Variants in EEF1E1 observed in about 807,000 individuals in gnomAD.
EEF1E1 encodes the protein eukaryotic translation elongation factor 1 epsilon-1.
In EEF1E1, 19 loss-of-function variants were observed where a neutral mutation model predicts 19.9. The ratio of observed to expected loss-of-function variants is 0.95; its 90% CI spans 0.66 to 1.40. The LOEUF is 1.40. Ranked by LOEUF, EEF1E1 falls within the 40% of genes most tolerant of loss-of-function variation. The pLI is 0.00. For missense variants in EEF1E1, 198 were observed against 202.2 expected (o/e 0.98, Z 0.13); for synonymous variants, 81 against 80.0 (o/e 1.01, Z -0.07).
At chr6:8,074,652 CAGA>C (rs1462772234), downstream of EEF1E1, among the ~76,000 whole-genome samples, 2 of 152,174 alleles carry the variant, frequency 1.3e-5, no homozygotes, top group Non-Finnish European at 1.5e-5. Flanking sequence ...AAGTGCCTGA[CAGA>C]AATGACCCAA....
intron 2 of EEF1E1, chr6:8,095,346 CA>C: frequency 1.9e-5 from 8 of 422,464 alleles, no homozygotes; most frequent in Admixed American, 1.0e-4. Flanking sequence ...ACTAAAAACA[CA>C]AAAAAACGAG....
chr6:8,076,890 C>T (rs141757464), downstream of EEF1E1, among the ~76,000 whole-genome samples: 169 of 151,762 alleles, frequency 1.1e-3, no homozygotes, highest in African/African-American at 3.9e-3. Context: ...CTTTGTTGTT[C>T]CTTTTATAAA....
chr6:8,095,763 C>T (rs1412225471), intron 2 of EEF1E1, among the ~76,000 whole-genome samples: 2 of 152,078 alleles, frequency 1.3e-5, no homozygotes, highest in African/African-American at 4.8e-5. Context: ...ATATTTACTG[C>T]TTTTAAAATA....
chr6:8,089,687 A>C (rs1448764571), intron 3 of EEF1E1, among the ~76,000 whole-genome samples: 2 of 152,224 alleles, frequency 1.3e-5, no homozygotes, highest in African/African-American at 4.8e-5. Flanking sequence ...CCCAGGATTA[A>C]TACTTTGCGT....
chr6:8,083,826 A>G (rs944722127), intron 3 of EEF1E1, among the ~76,000 whole-genome samples: 1 of 152,224 alleles, frequency 6.6e-6, no homozygotes, highest in African/African-American at 2.4e-5. Flanking sequence ...GACCTGGTAA[A>G]TATCAGCAGG....
intron 2 of EEF1E1, among the ~76,000 whole-genome samples, chr6:8,093,741 AAATAGCTAATAAGC>A (rs770822800): frequency 1.2e-3 from 179 of 152,262 alleles, no homozygotes; most frequent in Non-Finnish European, 2.3e-3. Flanking sequence ...AAAAATAATA[AAATAGCTAATAAGC>A]AGTATGAAAA....
intron 3 of EEF1E1, among the ~76,000 whole-genome samples, chr6:8,080,495 G>A (rs570286549): frequency 5.3e-5 from 8 of 152,318 alleles, no homozygotes; most frequent in South Asian, 2.1e-4. Context: ...CTGAGTAAAT[G>A]CATGAGAACA....
rs115745392 is a variant in EEF1E1, at chr6:8,086,354, T to G, written c.384+3832A>C. Among the ~76,000 whole-genome samples the G allele has an allele frequency of 1.8e-3, 271 of 152,260 alleles. 3 individuals are homozygous for G. The highest frequency in any genetic ancestry group is 6.3e-3 in the African/African-American group (260 of 41,536). ...CTCTTCAACCTCAACTGAAAACCCA[T>G]ACTCAAGAGGCCTCAATCTGTGCCC... is the stretch of plus-strand genomic sequence containing the variant. On this transcript the variant is annotated intron_variant, in intron 3 of 3. Coordinates refer to ENST00000379715, the MANE Select transcript of EEF1E1 (RefSeq NM_004280.5).
At chr6:8,081,019 G>A (rs1757710769) in intron 3 of EEF1E1, among the ~76,000 whole-genome samples, 1 of 152,224 alleles carries the variant, frequency 6.6e-6, no homozygotes, top group East Asian at 1.9e-4. Flanking sequence ...CACCAAAGGT[G>A]AAGGATAAAT....
chr6:8,095,105 C>G (rs546505317), intron 2 of EEF1E1, among the ~76,000 whole-genome samples: 1 of 152,126 alleles, frequency 6.6e-6, no homozygotes, highest in Non-Finnish European at 1.5e-5. Flanking sequence ...GTTTAAGGGT[C>G]AACTATATAT....
chr6:8,090,228 T>C lies in EEF1E1; in HGVS notation c.342A>G (p.Thr114=), dbSNP rs1322902116. ...DKVYLTGYNF[T]LADILLYYGL... ...CATAGTACAATAGTATATCTGCTAA[T>C]GTAAAGTTATACCCTGTAAGGTAGA... Residue 114 remains threonine (T), a synonymous_variant, in exon 3 of 4, where the codon ACA becomes ACG. Transcript: ENST00000379715. The C allele has an allele frequency of 2.6e-6, 4 of 1,526,138 alleles. No homozygotes were observed. Among genetic ancestry groups the C allele is most frequent in the Admixed American group, 4.8e-5 (2 of 41,520 alleles). The allele number at this position is 1,526,138 out of a possible 1,614,324, so 94.5% of individuals were successfully genotyped here.
intron 2 of EEF1E1, among the ~76,000 whole-genome samples, chr6:8,095,203 A>C (rs543058323): frequency 1.6e-4 from 24 of 152,232 alleles, no homozygotes; most frequent in African/African-American, 5.3e-4. Context: ...GTCGGTGAAC[A>C]AAAAAACAGT....
chr6:8,075,564 T>G (rs1757571249), downstream of EEF1E1, among the ~76,000 whole-genome samples: 2 of 152,132 alleles, frequency 1.3e-5, no homozygotes, highest in African/African-American at 4.8e-5. Context: ...TAAAAAAAAT[T>G]TTATTGCTAA....
chr6:8,092,868 G>GTTTTTTTTTTTTTTTTTTTTTTTTTTT lies in EEF1E1; in HGVS notation c.289-2588_289-2587insAAAAAAAAAAAAAAAAAAAAAAAAAAA, dbSNP rs1554099258. ...GTTTTGTGTTTTAGTGATAAAGACT[G>GTTTTTTTTTTTTTTTTTTTTTTTTTTT]CTTTTTTTTTTTTTTTTTTTTTTTG... On this transcript the variant is annotated intron_variant, in intron 2 of 3. Coordinates refer to ENST00000379715, the MANE Select transcript of EEF1E1 (RefSeq NM_004280.5). 3.7e-5 allele frequency among the ~76,000 whole-genome samples: 4 copies of GTTTTTTTTTTTTTTTTTTTTTTTTTTT among 108,202 alleles called. 1 individual carries two copies. Among genetic ancestry groups the GTTTTTTTTTTTTTTTTTTTTTTTTTTT allele is most frequent in the Non-Finnish European group, 5.6e-5 (3 of 53,752 alleles). The allele number at this position is 108,202 out of a possible 152,430, so 71.0% of individuals were successfully genotyped here. A position where few individuals can be genotyped will look rare whatever the true frequency, so the allele number is the denominator to read the frequency against.
At chr6:8,091,910 A>G (rs1758020460) in intron 2 of EEF1E1, among the ~76,000 whole-genome samples, 1 of 152,220 alleles carries the variant, frequency 6.6e-6, no homozygotes, top group African/African-American at 2.4e-5. Context: ...TTGGGCAACT[A>G]TAATAGAATA....
Position 8,102,538 on chromosome 6 carries a change from C to T in EEF1E1, c.-17G>A, listed in dbSNP as rs1245859710. 3.7e-6 allele frequency: 6 copies of T among 1,607,880 alleles called. No individual in the cohort carries two copies. In the African/African-American group the frequency reaches 5.3e-5, roughly 14 times the overall value. ...CGCCGCCATCTTCCGGCCGTAGCTC[C>T]TGGCAGACGCGAGACCTGCAGAACA... is the stretch of plus-strand genomic sequence containing the variant. On this transcript the variant is annotated 5_prime_UTR_variant, in exon 1 of 4. Transcript: ENST00000379715.
At chr6:8,081,053 CAG>C (rs1757711531) in intron 3 of EEF1E1, among the ~76,000 whole-genome samples, 1 of 152,204 alleles carries the variant, frequency 6.6e-6, no homozygotes. Flanking sequence ...GTAATTATTA[CAG>C]AATACAAAAG....
At chr6:8,078,159 G>C (rs1205457681), downstream of EEF1E1, among the ~76,000 whole-genome samples, 1 of 152,136 alleles carries the variant, frequency 6.6e-6, no homozygotes, top group East Asian at 1.9e-4. Flanking sequence ...AGCCTGTTTT[G>C]GTTTTGACAT....
chr6:8,097,231 T>G, intron 2 of EEF1E1, 36 bp downstream of exon 2: 2 of 1,587,270 alleles, frequency 1.3e-6, no homozygotes, highest in Non-Finnish European at 1.7e-6. Context: ...TGATTAACAG[T>G]TCATGCATTT....
Sources: gnomAD v4.1 joint callset for allele counts (sites outside exome capture counted in the v4.1 genomes callset) on GRCh38, gnomAD v4.1.1 for gene constraint, MANE v1.5 for transcripts, NCBI Gene and HGNC (gene_info 2026-07-23, HGNC 2026-07-21) for gene names.